Variants in MSRA observed in about 807,000 individuals in gnomAD.
MSRA encodes methionine sulfoxide reductase A.
A neutral mutation model predicts 31.3 loss-of-function variants in MSRA; 54 were observed. The observed-to-expected ratio is 1.73, with a 90% CI of 1.39 to 2.17. The LOEUF (loss-of-function observed/expected upper bound fraction) is 2.17. Ranked by LOEUF, MSRA falls within the 30% of genes most tolerant of loss-of-function variation. The probability of loss-of-function intolerance (pLI) is 0.00; values close to 1 mark genes in which losing one functional copy is unlikely to be tolerated. For synonymous variants in MSRA, 169 were observed against 116.5 expected (o/e 1.45, Z -2.90); for missense variants, 507 against 300.9 (o/e 1.69, Z -5.07).
At chr8:10,392,699 CTA>C (rs1806824640) in intron 5 of MSRA, among the ~76,000 whole-genome samples, 1 of 143,428 alleles carries the variant, frequency 7.0e-6, no homozygotes, top group African/African-American at 2.6e-5. Flanking sequence ...TTTTTTAAAT[CTA>C]TGATATTGGG....
chr8:10,103,351 G>C (rs1164636130), intron 1 of MSRA, among the ~76,000 whole-genome samples: 1 of 152,182 alleles, frequency 6.6e-6, no homozygotes, highest in East Asian at 1.9e-4. Flanking sequence ...GATGATGCAT[G>C]TAACTTTGGA....
intron 2 of MSRA, among the ~76,000 whole-genome samples, chr8:10,226,172 A>AGGG (rs1188514027): frequency 6.6e-6 from 1 of 152,088 alleles, no homozygotes; most frequent in Non-Finnish European, 1.5e-5. Context: ...ACTATAGGGG[A>AGGG]GGGGTCACAT....
intron 1 of MSRA, among the ~76,000 whole-genome samples, chr8:10,118,985 T>A (rs550365775): frequency 6.6e-6 from 1 of 152,226 alleles, no homozygotes; most frequent in South Asian, 2.1e-4. Context: ...GATCTCAGCG[T>A]TCATGAAGGC....
intron 3 of MSRA, among the ~76,000 whole-genome samples, chr8:10,298,654 C>A (rs943548332): frequency 6.6e-6 from 1 of 152,234 alleles, no homozygotes; most frequent in South Asian, 2.1e-4. Flanking sequence ...TAAATGGCAT[C>A]AAGTAGATAA....
intron 2 of MSRA, among the ~76,000 whole-genome samples, chr8:10,229,804 C>T (rs1228722849): frequency 6.6e-6 from 1 of 152,194 alleles, no homozygotes; most frequent in Non-Finnish European, 1.5e-5. Context: ...TTCAACACTT[C>T]TGAATCCACG....
At chr8:10,300,669 C>T (rs1455939589) in intron 3 of MSRA, among the ~76,000 whole-genome samples, 1 of 152,198 alleles carries the variant, frequency 6.6e-6, no homozygotes, top group Admixed American at 6.5e-5. Flanking sequence ...TTACAGTGAA[C>T]TGCCATGCCC....
At chr8:10,184,404 G>C (rs189564747) in intron 1 of MSRA, among the ~76,000 whole-genome samples, 1 of 152,024 alleles carries the variant, frequency 6.6e-6, no homozygotes, top group African/African-American at 2.4e-5. Flanking sequence ...CCTGGGAACA[G>C]TAAACCTTGA....
intron 5 of MSRA, among the ~76,000 whole-genome samples, chr8:10,384,934 T>C (rs1434006681): frequency 2.0e-5 from 3 of 151,816 alleles, no homozygotes; most frequent in African/African-American, 7.3e-5. Flanking sequence ...CCGAGGAGGT[T>C]GAGGCTACAG....
Position 10,218,160 on chromosome 8 carries a change from ATTTT to A in MSRA, c.211+10260_211+10263del, listed in dbSNP as rs1354029164. ...TATTTATTTATTTATTTATTTATTT[ATTTT>A]GAGAAAGAGTCTCACTCTGTTGCCG... On this transcript the variant is annotated intron_variant, in intron 2 of 5. Coordinates refer to ENST00000317173, the MANE Select transcript of MSRA (RefSeq NM_012331.5). 5.7e-5 allele frequency among the ~76,000 whole-genome samples: 8 copies of A among 140,484 alleles called. No individual in the cohort carries two copies. The East Asian group carries it at 6.3e-4, about 11-fold the overall frequency. 92.2% of individuals were successfully genotyped at this position (140,484 alleles called of 152,430 possible). A position where few individuals can be genotyped will look rare whatever the true frequency, so the allele number is the denominator to read the frequency against.
rs532468287 is a variant in MSRA, at chr8:10,421,812, T to G, written c.544-6336T>G. Among the ~76,000 whole-genome samples the G allele has an allele frequency of 3.9e-5, 6 of 152,114 alleles. No homozygotes were observed. In the East Asian group the frequency reaches 1.2e-3, roughly 30 times the overall value. On this transcript the variant is annotated intron_variant, in intron 5 of 5. Transcript: ENST00000317173. ...AGGGGGCTGGGGGCTCCATCACAAC[T>G]TACACATGCCTACCCGCCTTCCTGC... is the stretch of plus-strand genomic sequence containing the variant.
chr8:10,362,551 CTT>C, intron 5 of MSRA, among the ~76,000 whole-genome samples: 1 of 151,190 alleles, frequency 6.6e-6, no homozygotes, highest in Non-Finnish European at 1.5e-5. Flanking sequence ...TGAGACATCT[CTT>C]TGCTCCATCC....
At chr8:10,059,326 T>G (rs1353033683) in intron 1 of MSRA, among the ~76,000 whole-genome samples, 1 of 152,210 alleles carries the variant, frequency 6.6e-6, no homozygotes, top group Non-Finnish European at 1.5e-5. Context: ...ATCCTTACGG[T>G]AACCCAAAGA....
chr8:10,426,708 C>T (rs1329140152), intron 5 of MSRA, among the ~76,000 whole-genome samples: 1 of 152,214 alleles, frequency 6.6e-6, no homozygotes, highest in African/African-American at 2.4e-5. Context: ...ATCTGATACA[C>T]ACTTTTAAAT....
Position 10,178,899 on chromosome 8 carries a change from G to GATTC in MSRA, c.143-28933_143-28930dup, listed in dbSNP as rs147030751. On this transcript the variant is annotated intron_variant, in intron 1 of 5. Transcript: ENST00000317173. ...TCTCAGACCTGCAGCCCAGTGAAGG[G>GATTC]ATTCCTTCATTAAGGCTCTTGTTCA... Among the ~76,000 whole-genome samples the GATTC allele has an allele frequency of 3.6e-3, 545 of 152,280 alleles. 2 individuals carry two copies. Among genetic ancestry groups the GATTC allele is most frequent in the African/African-American group, 0.012 (508 of 41,554 alleles).
At chr8:10,110,689 C>T (rs552374074) in intron 1 of MSRA, among the ~76,000 whole-genome samples, 21 of 152,266 alleles carry the variant, frequency 1.4e-4, no homozygotes, top group East Asian at 3.9e-4. Flanking sequence ...CAGTAGTGAT[C>T]GCGCTTTCTC....
At chr8:10,223,525 T>C (rs544857328) in intron 2 of MSRA, among the ~76,000 whole-genome samples, 4 of 152,302 alleles carry the variant, frequency 2.6e-5, no homozygotes, top group African/African-American at 7.2e-5. Context: ...GTCAGTGAAT[T>C]TGAAGACAGG....
chr8:10,238,731 C>G (rs1334374190), intron 2 of MSRA, among the ~76,000 whole-genome samples: 2 of 151,846 alleles, frequency 1.3e-5, no homozygotes, highest in Non-Finnish European at 2.9e-5. Flanking sequence ...AAACTGAATC[C>G]CCACCTCACC....
At chr8:10,290,145 G>A (rs1430445048) in intron 3 of MSRA, among the ~76,000 whole-genome samples, 1 of 152,200 alleles carries the variant, frequency 6.6e-6, no homozygotes, top group Non-Finnish European at 1.5e-5. Flanking sequence ...TCCAAAGTCA[G>A]TGCCATTTAC....
At chr8:10,239,500 T>C (rs185105710) in intron 2 of MSRA, among the ~76,000 whole-genome samples, 2 of 152,246 alleles carry the variant, frequency 1.3e-5, no homozygotes, top group African/African-American at 4.8e-5. Flanking sequence ...CAAATATTTA[T>C]ATACTTTGTA....
Sources: allele counts gnomAD v4.1 joint callset (sites outside exome capture counted in the v4.1 genomes callset), GRCh38; gene constraint gnomAD v4.1.1; transcripts MANE v1.5; gene names NCBI Gene and HGNC (gene_info 2026-07-23, HGNC 2026-07-21).